The following PDCD6 variants were observed in gnomAD, a reference collection of about 807,000 sequenced individuals.
PDCD6 encodes programmed cell death protein 6.
Under a neutral mutation model 28.3 loss-of-function variants are expected in PDCD6, and 12 were observed. The ratio of observed to expected loss-of-function variants is 0.42; its 90% CI spans 0.27 to 0.69. PDCD6 has a LOEUF of 0.69. Among genes scored for constraint, PDCD6 ranks in the 30% least tolerant of loss-of-function variants. PDCD6 has a pLI of 0.22. For synonymous variants in PDCD6, 92 were observed against 108.0 expected (o/e 0.85, Z 0.92); for missense variants, 226 against 269.9 (o/e 0.84, Z 1.14).
At chr5:285,682 G>A (rs1246827370) in intron 2 of PDCD6, among the ~76,000 whole-genome samples, 2 of 152,096 alleles carry the variant, frequency 1.3e-5, no homozygotes, top group Non-Finnish European at 2.9e-5. Flanking sequence ...TCTAGTTTGA[G>A]GGCCGTGCAG....
intron 2 of PDCD6, among the ~76,000 whole-genome samples, chr5:298,837 G>A (rs1031225706): frequency 2.3e-4 from 2 of 8,830 alleles, no homozygotes; most frequent in East Asian, 2.4e-3. Flanking sequence ...CTGCTCCCCC[G>A]CAGCTGCTCC....
At chr5:300,682 G>A (rs1457896101) in intron 2 of PDCD6, among the ~76,000 whole-genome samples, 6 of 152,368 alleles carry the variant, frequency 3.9e-5, no homozygotes, top group East Asian at 3.9e-4. Context: ...GTTACGGGCC[G>A]TTAGGCCTTG....
At chr5:283,553 G>T (rs1245749155) in intron 2 of PDCD6, among the ~76,000 whole-genome samples, 5 of 152,184 alleles carry the variant, frequency 3.3e-5, no homozygotes, top group Admixed American at 6.5e-5. Flanking sequence ...AAGACTCGGG[G>T]AGGAGCTGAT....
intron 2 of PDCD6, among the ~76,000 whole-genome samples, chr5:275,201 C>G (rs540197205): frequency 1.4e-3 from 218 of 152,242 alleles, no homozygotes; most frequent in Non-Finnish European, 2.6e-3. Flanking sequence ...CAGGGGGATC[C>G]CTTGAGCCCA....
intron 2 of PDCD6, among the ~76,000 whole-genome samples, chr5:297,297 G>A (rs1739681078): frequency 6.6e-6 from 1 of 152,264 alleles, no homozygotes; most frequent in African/African-American, 2.4e-5. Context: ...ATGGGGGAGA[G>A]CGTAAGCGCT....
At chr5:287,149 G>A (rs1322135499) in intron 2 of PDCD6, among the ~76,000 whole-genome samples, 2 of 151,944 alleles carry the variant, frequency 1.3e-5, no homozygotes, top group East Asian at 1.9e-4. Context: ...GAGCTGGAGC[G>A]CCCGGGAGGA....
rs1384425337 is a variant in PDCD6 at position 306,604 on chromosome 5, A to G, written c.211A>G (p.Met71Val). ...TTGACCGTTCCTCTCTGTCTCAGCC[A>G]TGTTTGACCGTGAGAACAAGGCCGG... ...NPVTVRSIIS[M>V]FDRENKAGVN... Residue 71 changes from methionine to valine, a missense_variant and splice_region_variant, in exon 4 of 6, where the codon ATG becomes GTG. Around this residue, in one of 3 missense-constraint regions of PDCD6, gnomAD observed 151 missense variants for 177.2 expected, o/e 0.85. Transcript: ENST00000264933. The G allele has an allele frequency of 3.7e-6, 6 of 1,613,468 alleles. No homozygotes were observed. The highest frequency in any genetic ancestry group is 1.1e-5 in the South Asian group (1 of 91,070).
rs554218358 is a variant in PDCD6 at position 306,567 on chromosome 5, ATCTT to A, written c.209-33_209-30del. ...GCCTCAAGTGAGTTTGCTGCAACTG[ATCTT>A]TTGCTGCTTGACCGTTCCTCTCTGT... On this transcript the variant is annotated intron_variant, in intron 3 of 5. Transcript: ENST00000264933. 225 of 1,607,600 alleles carry A rather than the reference ATCTT, an allele frequency of 1.4e-4. 2 individuals carry two copies. In the South Asian group the frequency reaches 2.2e-3, roughly 16 times the overall value.
At chr5:277,771 C>G (rs1463753285) in intron 2 of PDCD6, among the ~76,000 whole-genome samples, 1 of 151,804 alleles carries the variant, frequency 6.6e-6, no homozygotes, top group African/African-American at 2.4e-5. Context: ...CAAAATTAGC[C>G]GGGAATGGTG....
intron 2 of PDCD6, among the ~76,000 whole-genome samples, chr5:301,573 C>T (rs148424251): frequency 0.017 from 2,625 of 152,342 alleles, 70 homozygotes; most frequent in African/African-American, 0.06. Flanking sequence ...TTCAGCTTAA[C>T]AGATGCTCGT....
rs148493838 is a variant in PDCD6, at chr5:274,485, T to A, written c.163+1713T>A. On this transcript the variant is annotated intron_variant, in intron 2 of 5. Transcript: ENST00000264933. ...TCCTCGCCGTTACTGGGAGGGAGTATTGAGGAAATGCATGCGAGGTGTTTC... is the reference window on the plus strand; with the variant it reads ...TCCTCGCCGTTACTGGGAGGGAGTAATGAGGAAATGCATGCGAGGTGTTTC... Among the ~76,000 whole-genome samples, 22 of 152,282 alleles carry A rather than the reference T, an allele frequency of 1.4e-4. No individual in the cohort carries two copies. In the East Asian group the frequency reaches 4.2e-3, roughly 29 times the overall value.
Position 306,589 on chromosome 5 carries a change from C to A in PDCD6, c.209-13C>A. On this transcript the variant is annotated splice_polypyrimidine_tract_variant and intron_variant, in intron 3 of 5. Coordinates refer to ENST00000264933, the MANE Select transcript of PDCD6 (RefSeq NM_013232.4). ...CTGATCTTTTGCTGCTTGACCGTTC[C>A]TCTCTGTCTCAGCCATGTTTGACCG... is the stretch of plus-strand genomic sequence containing the variant. The A allele has an allele frequency of 6.2e-7, 1 of 1,611,574 alleles. No homozygotes were observed. Among genetic ancestry groups the A allele is most frequent in the South Asian group, 1.1e-5 (1 of 91,040 alleles).
At position 314,400 on chromosome 5, in the gene PDCD6, G is replaced by T; in HGVS notation, c.478-17G>T. The stretch of plus-strand genomic sequence containing the variant: ...TTCCATTTACTATCGAGATTTAAAT[G>T]CCTGTTTTCTCCCCAGAGGTTGACG... On this transcript the variant is annotated splice_polypyrimidine_tract_variant and intron_variant, in intron 5 of 5. Coordinates refer to ENST00000264933, the MANE Select transcript of PDCD6 (RefSeq NM_013232.4). 6.3e-7 allele frequency: 1 copy of T among 1,585,290 alleles called. No homozygotes were observed. Among genetic ancestry groups the T allele is most frequent in the Non-Finnish European group, 8.7e-7 (1 of 1,154,472 alleles).
chr5:276,971 G>A, intron 2 of PDCD6: 1 of 982,868 alleles, frequency 1.0e-6, no homozygotes, highest in Middle Eastern at 5.2e-4. Context: ...CGGGTGTTTG[G>A]GGTTTTTTTA....
rs1015366565 is a variant in PDCD6 at position 305,732 on chromosome 5, ACACGTCGTGGAACGGTG to A, written c.209-853_209-837del. 1 of 152,220 alleles carries A rather than the reference ACACGTCGTGGAACGGTG, an allele frequency of 6.6e-6. No homozygotes were observed. Among genetic ancestry groups the A allele is most frequent in the Admixed American group, 6.5e-5 (1 of 15,286 alleles). The allele number at this position is 152,220 out of a possible 1,614,324, so 9.4% of individuals were successfully genotyped here. ...AAACAGCCCCTGGTCCACACACCAC[ACACGTCGTGGAACGGTG>A]CACGTCGTGGAACGGTTGTGTGAAA... On this transcript the variant is annotated intron_variant, in intron 3 of 5. Transcript: ENST00000264933. This position sits in a 1 kb window ranked among gnomAD's most constrained non-coding sequence, Gnocchi z 4.0.
At chr5:276,750 T>G in intron 2 of PDCD6, 1 of 985,182 alleles carries the variant, frequency 1.0e-6, no homozygotes, top group Non-Finnish European at 1.2e-6. Context: ...AATTTGTGCT[T>G]CTGAGTGCTT....
rs1738686610 is a variant in PDCD6, at chr5:282,974, G to A, written c.163+10202G>A. ...GTTCTAGTTTGAGGGTCGTGCACCT[G>A]GAGAACTGGACAGGAGCTGATGTTC... On this transcript the variant is annotated intron_variant, in intron 2 of 5. Coordinates refer to ENST00000264933, the MANE Select transcript of PDCD6 (RefSeq NM_013232.4). Among the ~76,000 whole-genome samples, 7 of 152,200 alleles carry A rather than the reference G, an allele frequency of 4.6e-5. No individual in the cohort carries two copies. The South Asian group carries it at 1.5e-3, about 32-fold the overall frequency.
At chr5:272,447 G>T (rs13159718) in intron 1 of PDCD6, among the ~76,000 whole-genome samples, 92,917 of 130,024 alleles carry the variant, frequency 0.71, 33,719 homozygotes, top group Non-Finnish European at 0.75. Flanking sequence ...AAAGGGAAAC[G>T]GGTGCAAATG....
intron 1 of PDCD6, among the ~76,000 whole-genome samples, 153 bp from the exon 2 acceptor site, chr5:272,558 T>C (rs1220507659): frequency 6.9e-6 from 1 of 145,054 alleles, no homozygotes; most frequent in Non-Finnish European, 1.5e-5. Flanking sequence ...CCTGGGGCAC[T>C]TCCTTGATTC....
Sources: allele counts gnomAD v4.1 joint callset (sites outside exome capture counted in the v4.1 genomes callset), GRCh38; gene constraint gnomAD v4.1.1; regional missense constraint gnomAD v4.1.1; non-coding constraint Gnocchi (gnomAD v3.1); transcripts MANE v1.5; gene names NCBI Gene and HGNC (gene_info 2026-07-23, HGNC 2026-07-21).